Variants in SPIDR observed in about 807,000 individuals in gnomAD.
SPIDR encodes the protein DNA repair-scaffolding protein.
SPIDR carries 93 observed loss-of-function variants against 104.6 expected under a neutral mutation model. The observed-to-expected ratio is 0.89, with a 90% CI of 0.75 to 1.06. The LOEUF (loss-of-function observed/expected upper bound fraction) is 1.06, where lower values mean the gene tolerates loss of function less well. Among genes scored for constraint, SPIDR ranks in the 50% least tolerant of loss-of-function variants. SPIDR has a pLI of 0.00. For missense variants in SPIDR, 1,154 were observed against 1,111.2 expected (o/e 1.04, Z -0.55); for synonymous variants, 431 against 416.9 (o/e 1.03, Z -0.41).
At chr8:47,451,329 C>G (rs2071680201) in intron 8 of SPIDR, among the ~76,000 whole-genome samples, 1 of 152,046 alleles carries the variant, frequency 6.6e-6, no homozygotes, top group Non-Finnish European at 1.5e-5. Context: ...CGCCTGTAAT[C>G]CCAGCAATTT....
chr8:47,451,578 CAA>C (rs35955147), intron 8 of SPIDR, among the ~76,000 whole-genome samples: 5 of 84,748 alleles, frequency 5.9e-5, no homozygotes, highest in African/African-American at 1.7e-4. Flanking sequence ...GAAACCCTGC[CAA>C]AACACACACA....
chr8:47,411,461 G>T (rs530316301), intron 7 of SPIDR, among the ~76,000 whole-genome samples: 30 of 152,222 alleles, frequency 2.0e-4, no homozygotes, highest in Middle Eastern at 3.4e-3. Context: ...ATGTCTTCTT[G>T]TGAGAAGTGT....
Position 47,346,196 on chromosome 8 carries a change from G to A in SPIDR, c.526-50180G>A, listed in dbSNP as rs190422421. 3.8e-3 allele frequency among the ~76,000 whole-genome samples: 574 copies of A among 152,280 alleles called. 3 individuals carry two copies. Among genetic ancestry groups the A allele is most frequent in the South Asian group, 0.022 (108 of 4,822 alleles). ...GAAGTACTGTTGAATTTTGTCAAAGGCCTTTTCTGCATCTATTGAGATAAT... is the reference window on the plus strand; with the variant it reads ...GAAGTACTGTTGAATTTTGTCAAAGACCTTTTCTGCATCTATTGAGATAAT... On this transcript the variant is annotated intron_variant, in intron 5 of 19. Transcript: ENST00000297423.
intron 1 of SPIDR, 74 bp downstream of exon 1, chr8:47,261,065 G>A: frequency 3.3e-6 from 4 of 1,221,426 alleles, no homozygotes; most frequent in Non-Finnish European, 4.1e-6. Context: ...GCGCGGGGCT[G>A]GCCCCGTTGT....
At chr8:47,381,074 C>T (rs1416851795) in intron 5 of SPIDR, among the ~76,000 whole-genome samples, 2 of 152,146 alleles carry the variant, frequency 1.3e-5, no homozygotes, top group African/African-American at 4.8e-5. Context: ...GTTCTTAACG[C>T]GTAAACAGAG....
At chr8:47,559,055 A>G (rs2056735648) in intron 8 of SPIDR, among the ~76,000 whole-genome samples, 1 of 152,146 alleles carries the variant, frequency 6.6e-6, no homozygotes, top group African/African-American at 2.4e-5. Context: ...AGATTTTAAC[A>G]TCCTTTGTGG....
At chr8:47,497,856 A>G (rs1236218386) in intron 8 of SPIDR, among the ~76,000 whole-genome samples, 1 of 152,154 alleles carries the variant, frequency 6.6e-6, no homozygotes, top group Non-Finnish European at 1.5e-5. Context: ...GCATCACTCT[A>G]AAGACAGGCT....
intron 8 of SPIDR, among the ~76,000 whole-genome samples, chr8:47,495,839 C>T (rs1440750613): frequency 6.6e-6 from 1 of 152,118 alleles, no homozygotes; most frequent in Non-Finnish European, 1.5e-5. Flanking sequence ...AATCAATTCA[C>T]TGTAAGTTCA....
At position 47,370,123 on chromosome 8, in the gene SPIDR, G is replaced by T. The variant is rs75999726; in HGVS notation, c.526-26253G>T. 2.8e-3 allele frequency among the ~76,000 whole-genome samples: 428 copies of T among 152,202 alleles called. 1 individual carries two copies. Among genetic ancestry groups the T allele is most frequent in the Non-Finnish European group, 4.9e-3 (336 of 68,028 alleles). On this transcript the variant is annotated intron_variant, in intron 5 of 19. Coordinates refer to ENST00000297423, the MANE Select transcript of SPIDR (RefSeq NM_001080394.4). ...GTCTTGTAGGCACAACGATAGGTCAGCAGTAATTAACCTATGAAGTGAGTG... is the reference window on the plus strand; with the variant it reads ...GTCTTGTAGGCACAACGATAGGTCATCAGTAATTAACCTATGAAGTGAGTG...
chr8:47,500,454 T>G (rs1244887066), intron 8 of SPIDR, among the ~76,000 whole-genome samples: 2 of 152,242 alleles, frequency 1.3e-5, no homozygotes, highest in Non-Finnish European at 2.9e-5. Flanking sequence ...TTGAGAAGTG[T>G]CTGTTCATAT....
chr8:47,436,420 T>G (rs1448955750), intron 7 of SPIDR, among the ~76,000 whole-genome samples: 1 of 152,138 alleles, frequency 6.6e-6, no homozygotes, highest in Admixed American at 6.6e-5. Flanking sequence ...TATCCCCTGC[T>G]TGGATTAAAA....
intron 16 of SPIDR, among the ~76,000 whole-genome samples, chr8:47,726,645 A>G (rs551022007): frequency 3.3e-5 from 5 of 152,268 alleles, no homozygotes; most frequent in African/African-American, 1.2e-4. Flanking sequence ...TCCCTTCCTC[A>G]GGAAGCCATG....
Position 47,305,836 on chromosome 8 carries a change from T to A in SPIDR, c.525+11806T>A, listed in dbSNP as rs1332314561. On this transcript the variant is annotated intron_variant, in intron 5 of 19. Coordinates refer to ENST00000297423, the MANE Select transcript of SPIDR (RefSeq NM_001080394.4). ...AAAATACACATAACATAAAATTTAC[T>A]ATTTTGACCATTTTAAAATGTGCAA... Among the ~76,000 whole-genome samples, 4 of 152,354 alleles carry A rather than the reference T, an allele frequency of 2.6e-5. No homozygotes were observed. The East Asian group carries it at 7.7e-4, about 29-fold the overall frequency.
intron 7 of SPIDR, among the ~76,000 whole-genome samples, chr8:47,435,701 C>T (rs904357458): frequency 6.6e-6 from 1 of 152,160 alleles, no homozygotes; most frequent in East Asian, 1.9e-4. Flanking sequence ...TGTTGAAACC[C>T]TCACTGTGTC....
intron 11 of SPIDR, among the ~76,000 whole-genome samples, chr8:47,682,268 AAAAAAAAC>A (rs2077188965): frequency 6.6e-6 from 1 of 150,954 alleles, no homozygotes; most frequent in Non-Finnish European, 1.5e-5. Context: ...AAAAAAAAAA[AAAAAAAAC>A]CCAGACACAA....
At chr8:47,446,892 A>G (rs1280181471) in intron 8 of SPIDR, among the ~76,000 whole-genome samples, 1 of 152,080 alleles carries the variant, frequency 6.6e-6, no homozygotes, top group Non-Finnish European at 1.5e-5. Flanking sequence ...GCCACCTTTC[A>G]AGGGTCTGGG....
intron 5 of SPIDR, among the ~76,000 whole-genome samples, chr8:47,330,561 T>C (rs1554603859): frequency 6.6e-6 from 1 of 152,218 alleles, no homozygotes; most frequent in Non-Finnish European, 1.5e-5. Context: ...CTTTTTACCA[T>C]CTCTATAGTT....
intron 1 of SPIDR, among the ~76,000 whole-genome samples, chr8:47,267,059 C>T (rs532356458): frequency 5.8e-4 from 88 of 152,166 alleles, no homozygotes; most frequent in Non-Finnish European, 9.8e-4. Context: ...TGTATCAGTA[C>T]TTCATTCCTA....
At chr8:47,303,082 G>T (rs2042468154) in intron 5 of SPIDR, among the ~76,000 whole-genome samples, 1 of 152,246 alleles carries the variant, frequency 6.6e-6, no homozygotes, top group East Asian at 1.9e-4. Flanking sequence ...TTGAGCTGTG[G>T]TGCGCTCCAC....
Sources: allele counts gnomAD v4.1 joint callset (sites outside exome capture counted in the v4.1 genomes callset), GRCh38; gene constraint gnomAD v4.1.1; transcripts MANE v1.5; gene names NCBI Gene and HGNC (gene_info 2026-07-23, HGNC 2026-07-21).